The following AGBL1 variants were observed in gnomAD, a reference collection of about 807,000 sequenced individuals.
AGBL1 encodes the protein AGBL carboxypeptidase 1, also known as cytosolic carboxypeptidase 4.
In AGBL1, 130 loss-of-function variants were observed where a neutral mutation model predicts 118.9. The ratio of observed to expected loss-of-function variants is 1.09; its 90% CI spans 0.95 to 1.26. The LOEUF (loss-of-function observed/expected upper bound fraction) is 1.26, where lower values mean the gene tolerates loss of function less well. Among genes scored for constraint, AGBL1 ranks in the 50% most tolerant of loss-of-function variants. The pLI, the probability that AGBL1 is intolerant of heterozygous loss-of-function variation, is 0.00. For missense variants in AGBL1, 1,584 were observed against 1,298.1 expected (o/e 1.22, Z -3.38); for synonymous variants, 555 against 478.9 (o/e 1.16, Z -2.08).
intron 20 of AGBL1, among the ~76,000 whole-genome samples, chr15:86,552,243 G>C (rs1408256538): frequency 6.6e-6 from 1 of 152,102 alleles, no homozygotes; most frequent in Non-Finnish European, 1.5e-5. Context: ...GGAGTGGGGG[G>C]CATATGGGAA....
rs201477585 is a variant in AGBL1 at position 86,655,310 on chromosome 15, A to G, written c.2995-18963A>G. Among the ~76,000 whole-genome samples, 25 of 152,334 alleles carry G rather than the reference A, an allele frequency of 1.6e-4. No individual in the cohort carries two copies. In the East Asian group the frequency reaches 4.8e-3, roughly 29 times the overall value. On this transcript the variant is annotated intron_variant, in intron 21 of 22. Coordinates refer to ENST00000614907, the MANE Select transcript of AGBL1 (RefSeq NM_001386094.1). ...CAACAATTGAAGCGCAGCTGAATAC[A>G]CAATAGGAAAATAGAAACTGAACTA...
intron 18 of AGBL1, among the ~76,000 whole-genome samples, chr15:86,473,975 C>T (rs975312892): frequency 3.3e-5 from 5 of 152,086 alleles, no homozygotes; most frequent in African/African-American, 9.7e-5. Flanking sequence ...GTCTGAATTT[C>T]ATAAGAATGA....
intron 5 of AGBL1, among the ~76,000 whole-genome samples, chr15:86,187,079 T>G (rs1235456401): frequency 6.6e-6 from 1 of 152,230 alleles, no homozygotes; most frequent in Non-Finnish European, 1.5e-5. Flanking sequence ...TTTTTGTGTT[T>G]AAGCAAAAAC....
At chr15:86,929,954 G>T (rs1405961406) in intron 23 of AGBL1, among the ~76,000 whole-genome samples, 3 of 152,106 alleles carry the variant, frequency 2.0e-5, no homozygotes, top group Admixed American at 2.0e-4. Flanking sequence ...ATTTATAAAT[G>T]CCCTTTGGCT....
Position 86,910,993 on chromosome 15 carries a change from A to G in AGBL1, c.*3699A>G, listed in dbSNP as rs1290074268. 1 of 152,228 alleles carries G rather than the reference A, an allele frequency of 6.6e-6. No homozygotes were observed. Among genetic ancestry groups the G allele is most frequent in the Non-Finnish European group, 1.5e-5 (1 of 68,066 alleles). 9.4% of individuals were successfully genotyped at this position (152,228 alleles called of 1,614,324 possible). ...GAGCCATTCTTCCAGTCAAGCCAGG[A>G]CTTTCTCTTGCTGGCCAGACCACTT... On this transcript the variant is annotated 3_prime_UTR_variant, in exon 23 of 23. Coordinates refer to ENST00000614907, the MANE Select transcript of AGBL1 (RefSeq NM_001386094.1).
intron 22 of AGBL1, among the ~76,000 whole-genome samples, chr15:86,820,598 C>T (rs2078927416): frequency 1.3e-5 from 2 of 152,132 alleles, no homozygotes; most frequent in Admixed American, 6.6e-5. Flanking sequence ...ACCATGTGGA[C>T]ATTAGAGAAA....
At chr15:86,893,067 G>A (rs1374664856) in intron 22 of AGBL1, among the ~76,000 whole-genome samples, 1 of 152,102 alleles carries the variant, frequency 6.6e-6, no homozygotes, top group Admixed American at 6.6e-5. Context: ...ACTGCCTCGG[G>A]GACTCACTCA....
At chr15:86,360,723 A>G (rs1428795101) in intron 17 of AGBL1, among the ~76,000 whole-genome samples, 1 of 151,572 alleles carries the variant, frequency 6.6e-6, no homozygotes, top group Non-Finnish European at 1.5e-5. Context: ...CTTATTTGTT[A>G]TTGGTATGTT....
chr15:86,497,692 G>A (rs930569306), intron 18 of AGBL1, among the ~76,000 whole-genome samples: 1 of 151,776 alleles, frequency 6.6e-6, no homozygotes, highest in African/African-American at 2.4e-5. Flanking sequence ...TATGGGACTC[G>A]GGATCTGATT....
intron 22 of AGBL1, among the ~76,000 whole-genome samples, chr15:86,674,789 A>G (rs1404405315): frequency 1.3e-5 from 2 of 152,178 alleles, no homozygotes; most frequent in Non-Finnish European, 2.9e-5. Flanking sequence ...ATTACTCAAC[A>G]AAAAACAATG....
chr15:86,952,014 C>T (rs1202743742), intron 23 of AGBL1, among the ~76,000 whole-genome samples: 1 of 152,102 alleles, frequency 6.6e-6, no homozygotes, highest in East Asian at 1.9e-4. Context: ...GGGTGGATCA[C>T]AAGATCAGGA....
chr15:86,711,189 CCT>C (rs567628829), intron 22 of AGBL1, among the ~76,000 whole-genome samples: 20 of 152,256 alleles, frequency 1.3e-4, no homozygotes, highest in Admixed American at 1.0e-3. Flanking sequence ...CAAGTGTTTT[CCT>C]CTCTGTAAAT....
rs114227480 is a variant in AGBL1, at chr15:86,806,291, G to A, written c.3159-100796G>A. ...CCACCACTTCAGACTGACTCTGCCA[G>A]ATCAATCTTAAGCAGATTGAGAGGG... On this transcript the variant is annotated intron_variant, in intron 22 of 22. Coordinates refer to ENST00000614907, the MANE Select transcript of AGBL1 (RefSeq NM_001386094.1). 8.7e-3 allele frequency among the ~76,000 whole-genome samples: 1,320 copies of A among 152,260 alleles called. 24 individuals are homozygous for A. Among genetic ancestry groups the A allele is most frequent in the African/African-American group, 0.03 (1,251 of 41,570 alleles).
chr15:86,494,186 TTCTAATC>T, intron 18 of AGBL1, among the ~76,000 whole-genome samples: 1 of 152,194 alleles, frequency 6.6e-6, no homozygotes, highest in Admixed American at 6.5e-5. Context: ...TATAAAGTGA[TTCTAATC>T]TATCTACTTT....
At chr15:86,901,683 T>G (rs2141581817) in intron 22 of AGBL1, among the ~76,000 whole-genome samples, 1 of 152,266 alleles carries the variant, frequency 6.6e-6, no homozygotes, top group South Asian at 2.1e-4. Context: ...TCAAACAATT[T>G]CAAAAATTTT....
At chr15:86,482,427 C>G (rs899798289) in intron 18 of AGBL1, among the ~76,000 whole-genome samples, 1 of 152,108 alleles carries the variant, frequency 6.6e-6, no homozygotes, top group South Asian at 2.1e-4. Context: ...CCATAAATGT[C>G]TAATCTTTTA....
chr15:86,259,950 G>A (rs2078955958), intron 9 of AGBL1, among the ~76,000 whole-genome samples: 1 of 152,246 alleles, frequency 6.6e-6, no homozygotes, highest in South Asian at 2.1e-4. Flanking sequence ...CTTTGCAGAG[G>A]ATGGAGGGGT....
intron 21 of AGBL1, among the ~76,000 whole-genome samples, chr15:86,636,922 G>A (rs1476521411): frequency 4.0e-5 from 6 of 150,920 alleles, no homozygotes; most frequent in African/African-American, 1.5e-4. Flanking sequence ...CTGGACTTAA[G>A]GTGGATTTAG....
chr15:86,177,801 A>G (rs2077501150), intron 5 of AGBL1, among the ~76,000 whole-genome samples: 1 of 152,248 alleles, frequency 6.6e-6, no homozygotes, highest in Non-Finnish European at 1.5e-5. Flanking sequence ...GGGGAAATTT[A>G]TAGACCAGTA....
Sources: gnomAD v4.1 joint callset for allele counts (sites outside exome capture counted in the v4.1 genomes callset) on GRCh38, gnomAD v4.1.1 for gene constraint, MANE v1.5 for transcripts, NCBI Gene and HGNC (gene_info 2026-07-23, HGNC 2026-07-21) for gene names.